Variants in DRC1 observed in about 807,000 individuals in gnomAD.
The protein encoded by DRC1 is dynein regulatory complex subunit 1.
DRC1 carries 74 observed loss-of-function variants against 98.7 expected under a neutral mutation model. The ratio of observed to expected loss-of-function variants is 0.75; its 90% CI spans 0.62 to 0.91. DRC1 has a LOEUF of 0.91. Ranked by LOEUF, DRC1 falls within the 40% of genes least tolerant of loss-of-function variation. DRC1 has a pLI of 0.00. For missense variants in DRC1, 875 were observed against 886.0 expected (o/e 0.99, Z 0.16); for synonymous variants, 336 against 334.1 (o/e 1.01, Z -0.06).
intron 12 of DRC1, among the ~76,000 whole-genome samples, chr2:26,450,365 G>A (rs1266124540): frequency 6.6e-6 from 1 of 152,186 alleles, no homozygotes; most frequent in African/African-American, 2.4e-5. Flanking sequence ...GCCCCACTAG[G>A]CATCCTCACA....
intron 2 of DRC1, among the ~76,000 whole-genome samples, chr2:26,417,082 C>G (rs1205072747): frequency 6.6e-6 from 1 of 152,138 alleles, no homozygotes; most frequent in Non-Finnish European, 1.5e-5. Flanking sequence ...TGGTGCTAAA[C>G]TATGAGGAAT....
At chr2:26,456,438 G>A (rs182117039) in intron 16 of DRC1, 23 bp from the exon 17 acceptor site, 68 of 1,613,960 alleles carry the variant, frequency 4.2e-5, no homozygotes, top group Admixed American at 4.2e-4. Flanking sequence ...AAAATGTAAC[G>A]ACTTTCACCC....
chr2:26,414,873 CTCT>C (rs1678745736), intron 2 of DRC1, among the ~76,000 whole-genome samples: 1 of 152,128 alleles, frequency 6.6e-6, no homozygotes, highest in Admixed American at 6.5e-5. Flanking sequence ...CTCTATTCTC[CTCT>C]TCTTCTCTCC....
intron 2 of DRC1, among the ~76,000 whole-genome samples, chr2:26,418,843 A>G (rs1678944300): frequency 7.3e-6 from 1 of 137,902 alleles, no homozygotes; most frequent in Admixed American, 8.1e-5. Flanking sequence ...AGTATATATA[A>G]AGCATATTAT....
rs745528363 is a variant in DRC1 at position 26,454,651 on chromosome 2, T to G, written c.1924T>G (p.Ser642Ala). 1.2e-6 allele frequency: 2 copies of G among 1,614,094 alleles called. No homozygotes were observed. The highest frequency in any genetic ancestry group is 1.7e-6 in the Non-Finnish European group (2 of 1,180,012). The change falls in exon 15 of 17, where the codon TCG becomes GCG. Residue 642 changes from serine to alanine, a missense_variant. By Grantham distance (99) the Ser-to-Ala change is moderately conservative. Transcript: ENST00000288710. This position sits in a 1 kb window ranked among gnomAD's most constrained non-coding sequence, Gnocchi z 5.2. ...CACTGTGCTCTTGGCCTTCAGGGACTCGCGGGCCCCGCTGAGGGTACAGAA... is the reference window on the plus strand; with the variant it reads ...CACTGTGCTCTTGGCCTTCAGGGACGCGCGGGCCCCGCTGAGGGTACAGAA... ...FVMGLKKPRD[S>A]RAPLRVQKNV...
intron 2 of DRC1, among the ~76,000 whole-genome samples, chr2:26,420,782 G>A (rs1042812736): frequency 5.9e-5 from 7 of 119,114 alleles, no homozygotes; most frequent in Non-Finnish European, 1.0e-4. Context: ...TTTTTTTTCT[G>A]AGATAGGGTC....
In DRC1 at chr2:26,448,785, G is replaced by A; in HGVS notation, c.1491G>A (p.Met497Ile). The A allele has an allele frequency of 1.2e-6, 2 of 1,614,204 alleles. No individual in the cohort carries two copies. Among genetic ancestry groups the A allele is most frequent in the Non-Finnish European group, 8.5e-7 (1 of 1,180,034 alleles). The stretch of plus-strand genomic sequence containing the variant: ...AAAAAACTACCAAGAGGATCCTGAT[G>A]CTCCTGTGTGACGAGTCGGTGAGGC... ...ISEKTTKRIL[M>I]LLCDESGFLI... is the part of the protein sequence containing the mutation. Residue 497 changes from methionine to isoleucine, a missense_variant, in exon 11 of 17, where the codon ATG (methionine) becomes ATA (isoleucine). Coordinates refer to ENST00000288710, the MANE Select transcript of DRC1 (RefSeq NM_145038.5).
At chr2:26,430,137 A>T (rs1461365545) in intron 5 of DRC1, among the ~76,000 whole-genome samples, 1 of 152,224 alleles carries the variant, frequency 6.6e-6, no homozygotes, top group South Asian at 2.1e-4. Context: ...GGAATAAAAA[A>T]GGGGGATTAG....
At chr2:26,421,978 AG>A (rs1490582204) in intron 3 of DRC1, among the ~76,000 whole-genome samples, 1 of 152,250 alleles carries the variant, frequency 6.6e-6, no homozygotes, top group Non-Finnish European at 1.5e-5. Flanking sequence ...AGTCTAGTCA[AG>A]AGACACATGG....
intron 10 of DRC1, among the ~76,000 whole-genome samples, chr2:26,447,134 G>A (rs1473809015): frequency 6.6e-6 from 1 of 151,548 alleles, no homozygotes; most frequent in Non-Finnish European, 1.5e-5. Context: ...ATAAAAATAG[G>A]CCGGGTGCGG....
intron 6 of DRC1, 43 bp from the exon 7 acceptor site, chr2:26,431,840 CA>C (rs1207257084): frequency 1.2e-6 from 2 of 1,609,120 alleles, no homozygotes; most frequent in Non-Finnish European, 1.7e-6. Flanking sequence ...TGAGGTGGGG[CA>C]AGGATGGTCC....
intron 3 of DRC1, among the ~76,000 whole-genome samples, chr2:26,422,748 T>A (rs925124221): frequency 2.0e-5 from 3 of 152,044 alleles, no homozygotes; most frequent in Admixed American, 6.6e-5. Flanking sequence ...AAACTCCGTC[T>A]CTACTAAGAA....
intron 16 of DRC1, among the ~76,000 whole-genome samples, chr2:26,455,869 C>A (rs369173241): frequency 6.6e-6 from 1 of 152,230 alleles, no homozygotes; most frequent in Non-Finnish European, 1.5e-5. Context: ...ACATTTCCTG[C>A]TCTGCGGGTG....
chr2:26,444,947 A>G lies in DRC1; in HGVS notation c.1395A>G (p.Ser465=), dbSNP rs143812718. The change falls in exon 10 of 17, where the codon TCA becomes TCG. Residue 465 remains serine, a splice_region_variant and synonymous_variant. Coordinates refer to ENST00000288710, the MANE Select transcript of DRC1 (RefSeq NM_145038.5). ...TAGTAGAAGAAATGCTTATGCGCTC[A>G]GGTGACTAGAACACTGTCATAGAGC... ...TQIVEEMLMR[S]EEEEAEEAAA... The G allele has an allele frequency of 1.1e-5, 17 of 1,613,772 alleles. No individual in the cohort carries two copies. In the East Asian group the frequency reaches 2.9e-4, roughly 27 times the overall value.
chr2:26,451,522 G>A (rs1664007439), intron 13 of DRC1, among the ~76,000 whole-genome samples: 3 of 152,180 alleles, frequency 2.0e-5, no homozygotes, highest in South Asian at 4.1e-4. Context: ...TGTAAAAAGA[G>A]TTGGCTGGGC....
chr2:26,431,418 C>T (rs1435437836), intron 6 of DRC1, among the ~76,000 whole-genome samples: 1 of 152,100 alleles, frequency 6.6e-6, no homozygotes, highest in Non-Finnish European at 1.5e-5. Flanking sequence ...GTCACTTTCC[C>T]CTCTGTTTAC....
chr2:26,440,144 A>T (rs943017296), intron 7 of DRC1, among the ~76,000 whole-genome samples: 1 of 151,414 alleles, frequency 6.6e-6, no homozygotes, highest in Non-Finnish European at 1.5e-5. Flanking sequence ...ATATAGGTAC[A>T]AAGATGAATA....
intron 1 of DRC1, among the ~76,000 whole-genome samples, chr2:26,406,378 G>A (rs1187919868): frequency 2.6e-5 from 4 of 152,146 alleles, no homozygotes; most frequent in South Asian, 2.1e-4. Context: ...GTCATGAGGT[G>A]TAATGTTAAG....
intron 1 of DRC1, among the ~76,000 whole-genome samples, chr2:26,408,049 G>A (rs558566943): frequency 6.6e-6 from 1 of 152,256 alleles, no homozygotes; most frequent in South Asian, 2.1e-4. Flanking sequence ...AGTCTCAGTT[G>A]AAAGCTTGCT....
Sources: allele counts gnomAD v4.1 joint callset (sites outside exome capture counted in the v4.1 genomes callset), GRCh38; gene constraint gnomAD v4.1.1; non-coding constraint Gnocchi (gnomAD v3.1); transcripts MANE v1.5; gene names NCBI Gene and HGNC (gene_info 2026-07-23, HGNC 2026-07-21).